MYO16: variants seen among roughly 807,000 people sequenced by gnomAD.
MYO16 encodes the protein unconventional myosin-XVI.
MYO16 carries 94 observed loss-of-function variants against 205.3 expected under a neutral mutation model. The observed-to-expected ratio is 0.46, with a 90% confidence interval of 0.39 to 0.54. The LOEUF (loss-of-function observed/expected upper bound fraction) is 0.54, where lower values mean the gene tolerates loss of function less well. Among genes scored for constraint, MYO16 ranks in the 20% least tolerant of loss-of-function variants. The probability of loss-of-function intolerance (pLI) is 0.00; values close to 1 mark genes in which losing one functional copy is unlikely to be tolerated. For missense variants in MYO16, 2,315 were observed against 2,387.5 expected (o/e 0.97, Z 0.63); for synonymous variants, 988 against 954.0 (o/e 1.04, Z -0.66).
intron 34 of MYO16, among the ~76,000 whole-genome samples, chr13:109,183,338 G>A (rs484455): frequency 0.63 from 96,287 of 152,094 alleles, 32,591 homozygotes; most frequent in African/African-American, 0.86. Flanking sequence ...GGAAGCCCAC[G>A]ATTTATAAAT....
chr13:108,993,590 C>G (rs1012602884), intron 21 of MYO16, among the ~76,000 whole-genome samples: 9 of 152,128 alleles, frequency 5.9e-5, no homozygotes, highest in African/African-American at 2.2e-4. Context: ...CAAAACTTCA[C>G]AAAATGTCTA....
chr13:108,913,584 C>T (rs1343701224), intron 16 of MYO16, among the ~76,000 whole-genome samples: 1 of 152,182 alleles, frequency 6.6e-6, no homozygotes, highest in African/African-American at 2.4e-5. Context: ...TGCGAGCTTT[C>T]TAACCTTTCA....
chr13:108,596,764 A>G (rs1237054458), intron 1 of MYO16, among the ~76,000 whole-genome samples: 1 of 152,216 alleles, frequency 6.6e-6, no homozygotes, highest in Admixed American at 6.5e-5. Flanking sequence ...TTCACAAAAC[A>G]TAATGTACTT....
chr13:108,702,418 G>T (rs1298276962), intron 2 of MYO16, among the ~76,000 whole-genome samples: 2 of 152,130 alleles, frequency 1.3e-5, no homozygotes, highest in Non-Finnish European at 2.9e-5. Context: ...TAAAAAGGAA[G>T]ACTGCCAGCC....
At chr13:109,106,594 C>G (rs946886440) in intron 28 of MYO16, among the ~76,000 whole-genome samples, 4 of 152,164 alleles carry the variant, frequency 2.6e-5, no homozygotes, top group African/African-American at 9.7e-5. Context: ...AGGATGATTT[C>G]TTCTGTGTAG....
intron 22 of MYO16, among the ~76,000 whole-genome samples, chr13:109,014,005 C>T (rs550408513): frequency 1.3e-5 from 2 of 152,160 alleles, no homozygotes; most frequent in South Asian, 4.1e-4. Flanking sequence ...CTTTTGTTGC[C>T]ATTGCTTTTG....
chr13:108,662,739 C>A (rs1234409253), intron 1 of MYO16, among the ~76,000 whole-genome samples: 1 of 152,188 alleles, frequency 6.6e-6, no homozygotes, highest in Non-Finnish European at 1.5e-5. Context: ...TCTTTCCCTG[C>A]CTGTGAAGTC....
chr13:108,762,106 T>C (rs1484488908), intron 4 of MYO16, among the ~76,000 whole-genome samples: 1 of 152,222 alleles, frequency 6.6e-6, no homozygotes, highest in Non-Finnish European at 1.5e-5. Context: ...TTTTTGACTT[T>C]GTTTCTGATT....
rs762772094 is a variant in MYO16 at position 108,820,328 on chromosome 13, A to T, written c.868-9A>T. 4.4e-6 allele frequency: 7 copies of T among 1,582,362 alleles called. No individual in the cohort carries two copies. Among genetic ancestry groups the T allele is most frequent in the Non-Finnish European group, 6.0e-6 (7 of 1,161,966 alleles). The stretch of plus-strand genomic sequence containing the variant: ...GTGGTTCCCATTTCAATTATCTTTA[A>T]TATTTCAGACAAATCTGGTGAAACT... On this transcript the variant is annotated splice_polypyrimidine_tract_variant and intron_variant, in intron 7 of 34. Transcript: ENST00000457511.
At chr13:108,672,525 A>AT (rs138075150) in intron 2 of MYO16, among the ~76,000 whole-genome samples, 8 of 151,116 alleles carry the variant, frequency 5.3e-5, no homozygotes, top group African/African-American at 1.9e-4. Flanking sequence ...GTAATTCAGG[A>AT]TTTTTTTTGC....
At chr13:108,997,338 A>AAGAG (rs869174444) in intron 21 of MYO16, among the ~76,000 whole-genome samples, 3 of 5,550 alleles carry the variant, frequency 5.4e-4, no homozygotes, top group African/African-American at 2.1e-3. Context: ...GAAAGAAAGA[A>AAGAG]AGAGAGAGAG....
intron 17 of MYO16, among the ~76,000 whole-genome samples, chr13:108,959,405 C>T (rs1032788644): frequency 2.8e-4 from 43 of 152,150 alleles, no homozygotes; most frequent in Non-Finnish European, 1.0e-4. Context: ...ATATCAGTTG[C>T]CTGGAAACAG....
chr13:108,673,150 C>T (rs763569453), intron 2 of MYO16, among the ~76,000 whole-genome samples: 36 of 152,118 alleles, frequency 2.4e-4, no homozygotes, highest in South Asian at 8.3e-4. Context: ...TTATAGACAA[C>T]GTCATACTGC....
intron 2 of MYO16, among the ~76,000 whole-genome samples, chr13:108,672,155 A>G (rs538093981): frequency 6.6e-5 from 10 of 152,324 alleles, no homozygotes; most frequent in Admixed American, 4.6e-4. Flanking sequence ...ATTGCAAATG[A>G]AAGTAATCTC....
At chr13:109,182,098 G>A (rs9559511) in intron 34 of MYO16, among the ~76,000 whole-genome samples, 4,536 of 152,180 alleles carry the variant, frequency 0.03, 293 homozygotes, top group East Asian at 0.28. Flanking sequence ...GATTACAGGC[G>A]GGAGCCACTG....
At chr13:109,009,145 T>C (rs1885507667) in intron 22 of MYO16, 96 bp downstream of exon 22, 2 of 977,506 alleles carry the variant, frequency 2.0e-6, no homozygotes, top group Non-Finnish European at 2.9e-6. Flanking sequence ...ATTTTTGAGA[T>C]ATCTTTATAT....
intron 15 of MYO16, among the ~76,000 whole-genome samples, chr13:108,904,967 T>C (rs1391432327): frequency 1.3e-5 from 2 of 152,210 alleles, no homozygotes; most frequent in African/African-American, 4.8e-5. Context: ...TAAAGTAAAA[T>C]AATATACTGT....
At chr13:108,588,097 T>G in the MYO16 span, among the ~76,000 whole-genome samples, 15 of 152,184 alleles carry the variant, frequency 9.9e-5, no homozygotes, top group Admixed American at 6.5e-5. Flanking sequence ...TTTAAAATAT[T>G]TTTTCCGAGC....
chr13:109,039,404 C>T (rs190319360), intron 23 of MYO16, among the ~76,000 whole-genome samples: 46 of 152,272 alleles, frequency 3.0e-4, no homozygotes, highest in African/African-American at 8.9e-4. Context: ...ATATTCTTTT[C>T]GAGTACCCAT....
Sources: gnomAD v4.1 joint callset for allele counts (sites outside exome capture counted in the v4.1 genomes callset) on GRCh38, gnomAD v4.1.1 for gene constraint, MANE v1.5 for transcripts, NCBI Gene and HGNC (gene_info 2026-07-23, HGNC 2026-07-21) for gene names.